RHOA: variants seen among roughly 807,000 people sequenced by gnomAD.
The protein encoded by RHOA is ras homolog family member A, also known as transforming protein RhoA.
In RHOA, 3 loss-of-function variants were observed where a neutral mutation model predicts 17.5. The ratio of observed to expected loss-of-function variants is 0.17; its 90% CI spans 0.08 to 0.44. The LOEUF is 0.44. Among genes scored for constraint, RHOA ranks in the 20% least tolerant of loss-of-function variants. The pLI is 0.99. For missense variants in RHOA, 56 were observed against 242.3 expected (o/e 0.23, Z 5.10); for synonymous variants, 98 against 88.4 (o/e 1.11, Z -0.61).
chr3:49,363,934 A>C (rs1205403346), intron 3 of RHOA, among the ~76,000 whole-genome samples: 1 of 152,130 alleles, frequency 6.6e-6, no homozygotes, highest in Non-Finnish European at 1.5e-5. Context: ...CTGCATTCCC[A>C]CCTACTTGAG....
chr3:49,362,275 T>C lies in RHOA; in HGVS notation c.408+221A>G, dbSNP rs140817473. On this transcript the variant is annotated intron_variant, in intron 4 of 4. Coordinates refer to ENST00000418115, the MANE Select transcript of RHOA (RefSeq NM_001664.4). ...CTCAGGCCAGCAGTCCTTATGGGCA[T>C]AGCACTACCTCATAAAAAAACATTC... is the stretch of plus-strand genomic sequence containing the variant. Among the ~76,000 whole-genome samples the C allele has an allele frequency of 3.9e-5, 6 of 152,298 alleles. No homozygotes were observed. In the East Asian group the frequency reaches 7.7e-4, roughly 20 times the overall value.
intron 1 of RHOA, among the ~76,000 whole-genome samples, chr3:49,379,627 A>G (rs2048285611): frequency 6.6e-6 from 1 of 152,054 alleles, no homozygotes; most frequent in South Asian, 2.1e-4. Flanking sequence ...TGAACCTCCA[A>G]TCTCAGTCTC....
chr3:49,381,383 A>G (rs2048313874), intron 1 of RHOA, among the ~76,000 whole-genome samples: 2 of 149,834 alleles, frequency 1.3e-5, no homozygotes, highest in South Asian at 4.3e-4. Context: ...CCAGCCTGGG[A>G]AACAAGAGAA....
chr3:49,387,830 TCTTTTTTCTGTACACAC>T (rs1258694650), intron 1 of RHOA, among the ~76,000 whole-genome samples: 3 of 152,160 alleles, frequency 2.0e-5, no homozygotes, highest in African/African-American at 4.8e-5. Flanking sequence ...GATGTGTGTA[TCTTTTTTCTGTACACAC>T]CAGAGGAAGA....
chr3:49,394,695 G>C (rs1006153528), intron 1 of RHOA, among the ~76,000 whole-genome samples: 3 of 152,106 alleles, frequency 2.0e-5, no homozygotes, highest in Admixed American at 6.6e-5. Context: ...CTAGCTACTA[G>C]AGATACAGCT....
chr3:49,408,317 T>C (rs1410196798), intron 1 of RHOA, among the ~76,000 whole-genome samples: 1 of 150,172 alleles, frequency 6.7e-6, no homozygotes, highest in Non-Finnish European at 1.5e-5. Context: ...CACACACATA[T>C]GCTTAAATAT....
intron 1 of RHOA, among the ~76,000 whole-genome samples, chr3:49,411,328 G>A (rs1020654113): frequency 6.6e-6 from 1 of 152,216 alleles, no homozygotes; most frequent in Non-Finnish European, 1.5e-5. Context: ...CCTACCCAAA[G>A]TGTAACTGGA....
At chr3:49,397,475 T>G (rs1392024483) in intron 1 of RHOA, among the ~76,000 whole-genome samples, 1 of 152,152 alleles carries the variant, frequency 6.6e-6, no homozygotes, top group African/African-American at 2.4e-5. Flanking sequence ...ATGAATTATA[T>G]CTCAGTAAAA....
intron 1 of RHOA, among the ~76,000 whole-genome samples, chr3:49,393,729 T>TGTGTGTGTGAGAGA (rs1553635013): frequency 7.3e-6 from 1 of 136,752 alleles, no homozygotes; most frequent in Non-Finnish European, 1.5e-5. Flanking sequence ...TGTGTGTGTG[T>TGTGTGTGTGAGAGA]GACAGAATCT....
At chr3:49,392,690 C>G (rs981882675) in intron 1 of RHOA, among the ~76,000 whole-genome samples, 4 of 152,082 alleles carry the variant, frequency 2.6e-5, no homozygotes, top group African/African-American at 9.7e-5. Context: ...CCACACTGAC[C>G]ATATTCAATG....
intron 1 of RHOA, among the ~76,000 whole-genome samples, chr3:49,401,308 C>T (rs1294579043): frequency 6.6e-6 from 1 of 151,834 alleles, no homozygotes; most frequent in East Asian, 1.9e-4. Context: ...TGCTTGAAGC[C>T]AAGAGGTGGA....
At chr3:49,373,529 T>C (rs1041614336) in intron 2 of RHOA, among the ~76,000 whole-genome samples, 10 of 152,190 alleles carry the variant, frequency 6.6e-5, no homozygotes, top group African/African-American at 1.9e-4. Flanking sequence ...AAAAGATGTA[T>C]AGGAGAGCTG....
intron 1 of RHOA, 68 bp from the exon 2 acceptor site, chr3:49,375,659 A>G (rs2107850693): frequency 6.6e-7 from 1 of 1,520,134 alleles, no homozygotes; most frequent in Non-Finnish European, 9.0e-7. Flanking sequence ...AGGATGACAC[A>G]TGCTTTGGTA....
chr3:49,368,644 CCATT>C, intron 2 of RHOA, 96 bp from the exon 3 acceptor site: 2 of 1,343,280 alleles, frequency 1.5e-6, no homozygotes, highest in South Asian at 1.2e-5. Context: ...AAATGGCAGA[CCATT>C]GAAATGGCAG....
Position 49,391,096 on chromosome 3 carries a change from T to A in RHOA, c.-2-15505A>T, listed in dbSNP as rs187089420. On this transcript the variant is annotated intron_variant, in intron 1 of 4. Transcript: ENST00000418115. Reference sequence around the variant, plus strand: ...AGCCAGGCGTGGTGGCATGCACCTGTAGTCCCAGCTACTTGGGAGGATGAG... The same window carrying A: ...AGCCAGGCGTGGTGGCATGCACCTGAAGTCCCAGCTACTTGGGAGGATGAG... Among the ~76,000 whole-genome samples the A allele has an allele frequency of 5.7e-4, 86 of 151,630 alleles. No individual in the cohort carries two copies. The East Asian group carries it at 0.015, about 26-fold the overall frequency.
Position 49,360,378 on chromosome 3 carries a change from G to A in RHOA, c.413C>T (p.Pro138Leu), listed in dbSNP as rs2107826257. The A allele has an allele frequency of 6.2e-7, 1 of 1,607,124 alleles. No homozygotes were observed. The highest frequency in any genetic ancestry group is 8.5e-7 in the Non-Finnish European group (1 of 1,177,960). Residue 138 changes from proline to leucine, a missense_variant, in exon 5 of 5, where the codon CCG becomes CTG. Coordinates refer to ENST00000418115, the MANE Select transcript of RHOA (RefSeq NM_001664.4). The part of the protein sequence containing the change: ...RRELAKMKQE[P>L]VKPEEGRDMA... ...ATCTCTGCCTTCTTCAGGTTTCACC[G>A]GCTCCTAGCAAAGAAAAAAAAATAG...
chr3:49,409,915 G>A (rs1018695263), intron 1 of RHOA, among the ~76,000 whole-genome samples: 1 of 152,120 alleles, frequency 6.6e-6, no homozygotes, highest in East Asian at 1.9e-4. Context: ...TGGTTTTGAA[G>A]CAGTAAAGTG....
chr3:49,381,782 T>TGGGG (rs1487780871), intron 1 of RHOA, among the ~76,000 whole-genome samples: 1 of 150,206 alleles, frequency 6.7e-6, no homozygotes, highest in Non-Finnish European at 1.5e-5. Flanking sequence ...GGAGAATCAC[T>TGGGG]TGAACCCGGG....
At chr3:49,372,516 C>T (rs759148706) in intron 2 of RHOA, among the ~76,000 whole-genome samples, 1 of 151,878 alleles carries the variant, frequency 6.6e-6, no homozygotes, top group Non-Finnish European at 1.5e-5. Context: ...AGGCAGATCA[C>T]GAGGTCAGGA....
Sources: allele counts gnomAD v4.1 joint callset (sites outside exome capture counted in the v4.1 genomes callset), GRCh38; gene constraint gnomAD v4.1.1; transcripts MANE v1.5; gene names NCBI Gene and HGNC (gene_info 2026-07-23, HGNC 2026-07-21).